Variants in PTPN12 observed in about 807,000 individuals in gnomAD.
PTPN12 encodes the protein tyrosine-protein phosphatase non-receptor type 12.
PTPN12 carries 29 observed loss-of-function variants against 97.6 expected under a neutral mutation model. That is an observed-to-expected ratio of 0.30 (90% CI 0.22 to 0.41). PTPN12 has a LOEUF of 0.41. PTPN12 is among the 10% of genes least tolerant of loss of function. The pLI is 1.00. For synonymous variants in PTPN12, 327 were observed against 300.4 expected (o/e 1.09, Z -0.91); for missense variants, 819 against 926.0 (o/e 0.88, Z 1.50).
At chr7:77,567,726 T>C (rs1808320081) in intron 1 of PTPN12, among the ~76,000 whole-genome samples, 2 of 152,204 alleles carry the variant, frequency 1.3e-5, no homozygotes. Context: ...TGCAACTCTT[T>C]CTGATCTTTG....
intron 8 of PTPN12, chr7:77,604,858 T>C (rs753250220): frequency 2.3e-6 from 1 of 431,096 alleles, no homozygotes; most frequent in South Asian, 1.7e-5. Context: ...CAGAATTTAA[T>C]TTTTTGCTCT....
At chr7:77,547,671 A>G (rs962484728) in intron 1 of PTPN12, among the ~76,000 whole-genome samples, 2 of 152,246 alleles carry the variant, frequency 1.3e-5, no homozygotes, top group South Asian at 2.1e-4. Flanking sequence ...CAGTGGAAGT[A>G]TATTCGGAAT....
rs1789696048 is a variant in PTPN12, at chr7:77,638,731, G to A, written c.2281G>A (p.Gly761Ser). ...AAATCCAACAGAAGCCACAGATATT[G>A]GTAATTTGTTTAATAAATAATTTTT... Reference protein sequence around the residue: ...SENPTEATDIGFGNRCGKPKG... With the variant: ...SENPTEATDISFGNRCGKPKG... The change falls in exon 17 of 18, where the codon GGT becomes AGT. Residue 761 changes from glycine (G) to serine (S), a missense_variant and splice_region_variant. Transcript: ENST00000248594. The A allele has an allele frequency of 6.3e-7, 1 of 1,593,238 alleles. No individual in the cohort carries two copies. Among genetic ancestry groups the A allele is most frequent in the Non-Finnish European group, 8.5e-7 (1 of 1,173,766 alleles).
chr7:77,564,767 T>G (rs1296720926), intron 1 of PTPN12, among the ~76,000 whole-genome samples: 1 of 111,084 alleles, frequency 9.0e-6, no homozygotes, highest in African/African-American at 3.7e-5. Context: ...TTTTTTTTTT[T>G]TTTTTTTTTG....
At position 77,626,789 on chromosome 7, in the gene PTPN12, C is replaced by A; in HGVS notation, c.1110C>A (p.Pro370=). 1 of 1,613,970 alleles carries A rather than the reference C, an allele frequency of 6.2e-7. No homozygotes were observed. The highest frequency in any genetic ancestry group is 8.5e-7 in the Non-Finnish European group (1 of 1,179,886). The change falls in exon 13 of 18, where the codon CCC becomes CCA. Residue 370 remains proline, a synonymous_variant. Transcript: ENST00000248594. Reference sequence around the variant, plus strand: ...TGCCACCCATCTTGACACCTTCTCCCCCTTCAGCTTTTCCAACAGTCACTA... The same window carrying A: ...TGCCACCCATCTTGACACCTTCTCCACCTTCAGCTTTTCCAACAGTCACTA... ...HPVPPILTPS[P]PSAFPTVTTV... is the part of the protein sequence containing the mutation.
At chr7:77,546,072 C>T (rs1206618775) in intron 1 of PTPN12, among the ~76,000 whole-genome samples, 7 of 152,156 alleles carry the variant, frequency 4.6e-5, no homozygotes, top group Admixed American at 2.6e-4. Flanking sequence ...GCTGGGATTA[C>T]GGGCGCCCGT....
chr7:77,612,653 G>T (rs1354754291), intron 11 of PTPN12, among the ~76,000 whole-genome samples: 1 of 152,056 alleles, frequency 6.6e-6, no homozygotes, highest in Non-Finnish European at 1.5e-5. Context: ...GGTCAGGCTG[G>T]TCTCGAACTC....
intron 8 of PTPN12, among the ~76,000 whole-genome samples, chr7:77,603,883 CTTTTTTT>C (rs773037726): frequency 1.1e-4 from 10 of 87,858 alleles, no homozygotes; most frequent in African/African-American, 1.5e-4. Context: ...TTTTTGTTTG[CTTTTTTT>C]TTTTTTTTTT....
chr7:77,604,494 G>T (rs1267134455), intron 8 of PTPN12, among the ~76,000 whole-genome samples: 1 of 152,002 alleles, frequency 6.6e-6, no homozygotes, highest in African/African-American at 2.4e-5. Context: ...GATTACAGGC[G>T]TGAACCACTG....
chr7:77,562,376 T>C (rs897455799), intron 1 of PTPN12, among the ~76,000 whole-genome samples: 4 of 152,142 alleles, frequency 2.6e-5, no homozygotes, highest in Non-Finnish European at 5.9e-5. Context: ...TATTATATAC[T>C]ATGAGATAAT....
chr7:77,638,704 G>GA lies in PTPN12; in HGVS notation c.2258dup (p.Asn753LysfsTer12), dbSNP rs1789694691. ...CAGTGACAAGAGAGAACAAATATCA[G>GA]AAAATCCAACAGAAGCCACAGATAT... On this transcript the variant is annotated frameshift_variant, in exon 17 of 18. Transcript: ENST00000248594. LOFTEE classifies it high-confidence loss of function. The GA allele has an allele frequency of 1.2e-6, 2 of 1,605,998 alleles. No individual in the cohort carries two copies. The highest frequency in any genetic ancestry group is 1.3e-5 in the African/African-American group (1 of 74,604).
At chr7:77,597,599 T>C (rs1327358643) in intron 6 of PTPN12, among the ~76,000 whole-genome samples, 1 of 152,194 alleles carries the variant, frequency 6.6e-6, no homozygotes, top group Admixed American at 6.5e-5. Flanking sequence ...GTACATGTGA[T>C]TTTGGTACAT....
Position 77,592,265 on chromosome 7 carries a change from C to A in PTPN12, c.492+9C>A. On this transcript the variant is annotated intron_variant, in intron 6 of 17. Transcript: ENST00000248594. ...CATTTAAAATTTCTTGTGTAAGTATCCATTTTTGTAAACACTTTTTTCAGA... is the reference window on the plus strand; with the variant it reads ...CATTTAAAATTTCTTGTGTAAGTATACATTTTTGTAAACACTTTTTTCAGA... The A allele has an allele frequency of 6.3e-7, 1 of 1,599,694 alleles. No homozygotes were observed.
At position 77,597,707 on chromosome 7, in the gene PTPN12, T is replaced by A. The variant is rs538779925; in HGVS notation, c.493-135T>A. The stretch of plus-strand genomic sequence containing the variant: ...TGTTTGATGACTTTTAGAATTTTTT[T>A]ATAATTATCAGGTACATCTGGAATT... On this transcript the variant is annotated intron_variant, in intron 6 of 17. Transcript: ENST00000248594. 6.8e-6 allele frequency: 8 copies of A among 1,184,076 alleles called. No homozygotes were observed. The African/African-American group carries it at 7.8e-5, about 11-fold the overall frequency. 73.3% of individuals were successfully genotyped at this position (1,184,076 alleles called of 1,614,324 possible).
chr7:77,601,532 G>A (rs1358732680), intron 8 of PTPN12, among the ~76,000 whole-genome samples: 1 of 151,962 alleles, frequency 6.6e-6, no homozygotes, highest in Non-Finnish European at 1.5e-5. Flanking sequence ...ATATATGTAA[G>A]ATGTACATAC....
intron 5 of PTPN12, among the ~76,000 whole-genome samples, chr7:77,587,250 A>G (rs184049808): frequency 6.6e-5 from 10 of 152,264 alleles, no homozygotes; most frequent in Admixed American, 6.5e-5. Context: ...TTGAAACTCA[A>G]AATTACTCCT....
chr7:77,586,334 T>G (rs1787689668), intron 5 of PTPN12, among the ~76,000 whole-genome samples: 1 of 152,228 alleles, frequency 6.6e-6, no homozygotes, highest in Admixed American at 6.5e-5. Flanking sequence ...GTAATCTTTA[T>G]GCTGGTAAAG....
intron 1 of PTPN12, among the ~76,000 whole-genome samples, chr7:77,555,022 C>CTTTGGT (rs1269041904): frequency 6.6e-6 from 1 of 152,060 alleles, no homozygotes; most frequent in African/African-American, 2.4e-5. Flanking sequence ...TTTTATTTCT[C>CTTTGGT]TTTGGTTTTT....
intron 11 of PTPN12, among the ~76,000 whole-genome samples, chr7:77,615,559 C>T (rs894460888): frequency 8.5e-5 from 13 of 152,080 alleles, no homozygotes; most frequent in Admixed American, 1.3e-4. Context: ...CCTGCCAGGG[C>T]GACAAAGCGA....
Sources: allele counts gnomAD v4.1 joint callset (sites outside exome capture counted in the v4.1 genomes callset), GRCh38; gene constraint gnomAD v4.1.1; transcripts MANE v1.5; gene names NCBI Gene and HGNC (gene_info 2026-07-23, HGNC 2026-07-21).